CEP85L: variants seen among roughly 807,000 people sequenced by gnomAD.
CEP85L encodes the protein centrosomal protein of 85 kDa-like.
Under a neutral mutation model 100.3 loss-of-function variants are expected in CEP85L, and 60 were observed. That is an observed-to-expected ratio of 0.60 (90% CI 0.49 to 0.74). The LOEUF (loss-of-function observed/expected upper bound fraction) is 0.74. Among genes scored for constraint, CEP85L ranks in the 30% least tolerant of loss-of-function variants. The pLI is 0.00. For synonymous variants in CEP85L, 319 were observed against 322.7 expected, an observed-to-expected ratio of 0.99 and a Z score of 0.12; for missense variants, 973 against 936.2, an observed-to-expected ratio of 1.04 and a Z score of -0.51.
At chr6:118,646,883 T>C (rs1775235448) in intron 1 of CEP85L, 1 of 963,570 alleles carries the variant, frequency 1.0e-6, no homozygotes, top group Non-Finnish European at 1.2e-6. Flanking sequence ...TATTACAACA[T>C]GACAATAGAG....
At chr6:118,635,608 A>C (rs769310327) in intron 1 of CEP85L, among the ~76,000 whole-genome samples, 1 of 152,224 alleles carries the variant, frequency 6.6e-6, no homozygotes, top group Non-Finnish European at 1.5e-5. Context: ...GAAACCAGCT[A>C]TAGCTCAAGA....
chr6:118,517,792 G>T (rs191230765), intron 4 of CEP85L, among the ~76,000 whole-genome samples: 2 of 152,182 alleles, frequency 1.3e-5, no homozygotes, highest in South Asian at 4.1e-4. Flanking sequence ...GAGTGTGAGA[G>T]AGGGCATCCT....
chr6:118,653,338 T>G (rs1326866053), upstream of CEP85L, among the ~76,000 whole-genome samples: 1 of 152,184 alleles, frequency 6.6e-6, no homozygotes, highest in East Asian at 1.9e-4. Flanking sequence ...CCCTAGTAAT[T>G]AAACTTGGGA....
At chr6:118,682,771 G>GCACACAAACACACACA (rs1776708790) in intron 1 of CEP85L, among the ~76,000 whole-genome samples, 1 of 138,174 alleles carries the variant, frequency 7.2e-6, no homozygotes, top group African/African-American at 2.6e-5. Context: ...GCCTGAGCAT[G>GCACACAAACACACACA]CACACACACA....
intron 3 of CEP85L, among the ~76,000 whole-genome samples, chr6:118,558,621 G>GCA (rs1280397001): frequency 5.0e-4 from 30 of 59,980 alleles, no homozygotes; most frequent in African/African-American, 1.5e-3. Context: ...AGAAACACGT[G>GCA]CACATACACA....
At chr6:118,670,756 T>G (rs1776281723) in intron 1 of CEP85L, among the ~76,000 whole-genome samples, 1 of 152,208 alleles carries the variant, frequency 6.6e-6, no homozygotes. Flanking sequence ...CAAAAATCTC[T>G]GCTGAACTTT....
intron 1 of CEP85L, among the ~76,000 whole-genome samples, chr6:118,706,845 A>G (rs536214443): frequency 7.2e-5 from 11 of 151,944 alleles, no homozygotes; most frequent in Non-Finnish European, 1.6e-4. Flanking sequence ...TACTCTTCCC[A>G]CACCCCAAAA....
intron 2 of CEP85L, among the ~76,000 whole-genome samples, chr6:118,624,814 T>A (rs1281338298): frequency 6.6e-6 from 1 of 152,178 alleles, no homozygotes; most frequent in East Asian, 1.9e-4. Flanking sequence ...AAAAACAACA[T>A]GTCCAACAAG....
chr6:118,647,475 C>T (rs1775278071), intron 1 of CEP85L, among the ~76,000 whole-genome samples: 1 of 152,126 alleles, frequency 6.6e-6, no homozygotes, highest in Non-Finnish European at 1.5e-5. Flanking sequence ...ATTCTCCTGC[C>T]TTCAGCCTCC....
intron 2 of CEP85L, among the ~76,000 whole-genome samples, chr6:118,598,379 T>A (rs1454476368): frequency 6.6e-6 from 1 of 152,224 alleles, no homozygotes; most frequent in African/African-American, 2.4e-5. Context: ...ATTAAAATTT[T>A]AACCCCTAGA....
intron 3 of CEP85L, among the ~76,000 whole-genome samples, chr6:118,558,636 C>CACACAG (rs1779025715): frequency 1.0e-5 from 1 of 96,378 alleles, no homozygotes; most frequent in Non-Finnish European, 2.3e-5. Context: ...TACACACACA[C>CACACAG]ACACACACAC....
In CEP85L at chr6:118,462,468, C is replaced by T. The variant is rs1159545104; in HGVS notation, c.*2937G>A. 6.6e-6 allele frequency: 1 copy of T among 151,932 alleles called. No homozygotes were observed. Among genetic ancestry groups the T allele is most frequent in the Non-Finnish European group, 1.5e-5 (1 of 67,888 alleles). The allele number at this position is 151,932 out of a possible 1,614,324, so 9.4% of individuals were successfully genotyped here. A position where few individuals can be genotyped will look rare whatever the true frequency, so the allele number is the denominator to read the frequency against. Reference sequence around the variant, plus strand: ...TCATTGAGTCAACTGTTACTTTATGCTTGCTGTAATGTGATTGAGGCTGAA... The same window carrying T: ...TCATTGAGTCAACTGTTACTTTATGTTTGCTGTAATGTGATTGAGGCTGAA... On this transcript the variant is annotated 3_prime_UTR_variant, in exon 13 of 13. Coordinates refer to ENST00000368491, the MANE Select transcript of CEP85L (RefSeq NM_001042475.3).
intron 3 of CEP85L, among the ~76,000 whole-genome samples, chr6:118,527,002 C>CCTTT (rs1777005062): frequency 1.0e-5 from 1 of 98,710 alleles, no homozygotes; most frequent in Non-Finnish European, 1.9e-5. Flanking sequence ...TTTACTTTTT[C>CCTTT]TTTTTTTTTT....
In CEP85L at chr6:118,463,853, A is replaced by T. The variant is rs1479993136; in HGVS notation, c.*1552T>A. Reference sequence around the variant, plus strand: ...TTTTAAACTGTGTATCTTCCTGGGTAGTCTCCTTGAAGGCCTTGTCTCACA... The same window carrying T: ...TTTTAAACTGTGTATCTTCCTGGGTTGTCTCCTTGAAGGCCTTGTCTCACA... On this transcript the variant is annotated 3_prime_UTR_variant, in exon 13 of 13. Transcript: ENST00000368491. The T allele has an allele frequency of 6.6e-6, 1 of 152,116 alleles. No homozygotes were observed. The highest frequency in any genetic ancestry group is 1.5e-5 in the Non-Finnish European group (1 of 67,962). 9.4% of individuals were successfully genotyped at this position (152,116 alleles called of 1,614,324 possible).
At chr6:118,629,716 G>C (rs1047135845) in intron 2 of CEP85L, among the ~76,000 whole-genome samples, 1 of 152,176 alleles carries the variant, frequency 6.6e-6, no homozygotes, top group Non-Finnish European at 1.5e-5. Flanking sequence ...TTAGGCAAGA[G>C]AGTTGGGAAC....
intron 3 of CEP85L, among the ~76,000 whole-genome samples, chr6:118,563,140 G>A (rs761758200): frequency 2.1e-4 from 32 of 152,198 alleles, no homozygotes; most frequent in Non-Finnish European, 4.0e-4. Context: ...CATTACACAT[G>A]GAGCCTTCTG....
chr6:118,483,605 G>T, intron 7 of CEP85L, 101 bp downstream of exon 7: 1 of 1,034,174 alleles, frequency 9.7e-7, no homozygotes, highest in Non-Finnish European at 1.4e-6. Flanking sequence ...CCCCAAAACA[G>T]CAATTAAACA....
chr6:118,668,823 CTT>C (rs1776209329), intron 1 of CEP85L, among the ~76,000 whole-genome samples: 1 of 152,136 alleles, frequency 6.6e-6, no homozygotes, highest in Non-Finnish European at 1.5e-5. Flanking sequence ...AATTATTGCT[CTT>C]TGTTTTCATG....
intron 6 of CEP85L, among the ~76,000 whole-genome samples, chr6:118,490,339 T>A (rs889466443): frequency 1.3e-5 from 2 of 152,234 alleles, no homozygotes; most frequent in Admixed American, 1.3e-4. Context: ...TATTAAATGT[T>A]CTTTCTACAA....
Sources: allele counts gnomAD v4.1 joint callset (sites outside exome capture counted in the v4.1 genomes callset), GRCh38; gene constraint gnomAD v4.1.1; transcripts MANE v1.5; gene names NCBI Gene and HGNC (gene_info 2026-07-23, HGNC 2026-07-21).